KCNT1: variants seen among roughly 807,000 people sequenced by gnomAD.
KCNT1 encodes potassium channel subfamily T member 1.
In KCNT1, 78 loss-of-function variants were observed where a neutral mutation model predicts 147.8. The ratio of observed to expected loss-of-function variants is 0.53; its 90% confidence interval spans 0.44 to 0.64. KCNT1 has a LOEUF of 0.64. Among genes scored for constraint, KCNT1 ranks in the 30% least tolerant of loss-of-function variants. The pLI is 0.00. For missense variants in KCNT1, 1,419 were observed against 1,750.3 expected (o/e 0.81, Z 3.38); for synonymous variants, 867 against 748.8 (o/e 1.16, Z -2.58).
At chr9:135,777,869 C>T (rs1012736315) in intron 21 of KCNT1, among the ~76,000 whole-genome samples, 1 of 150,882 alleles carries the variant, frequency 6.6e-6, no homozygotes, top group Non-Finnish European at 1.5e-5. Flanking sequence ...AGCTCCTCCC[C>T]ACTCCCAGCT....
chr9:135,782,077 G>A (rs1228573318), intron 24 of KCNT1, among the ~76,000 whole-genome samples: 3 of 152,172 alleles, frequency 2.0e-5, no homozygotes, highest in Non-Finnish European at 2.9e-5. Context: ...CGGGCGTGGT[G>A]GCTGTAACCC....
chr9:135,718,591 G>A (rs1835808347), intron 2 of KCNT1, among the ~76,000 whole-genome samples: 1 of 152,198 alleles, frequency 6.6e-6, no homozygotes, highest in Non-Finnish European at 1.5e-5. Context: ...CTGCACCAGG[G>A]GAAGAGATTG....
At chr9:135,785,975 C>T (rs1834011915) in intron 28 of KCNT1, 7 of 572,334 alleles carry the variant, frequency 1.2e-5, no homozygotes, top group Middle Eastern at 4.6e-4. Context: ...GTGGGTGGCC[C>T]GGCGATCTGT....
chr9:135,786,178 C>A lies in KCNT1; in HGVS notation c.3178-19C>A. The A allele has an allele frequency of 1.3e-6, 2 of 1,591,450 alleles. No homozygotes were observed. The highest frequency in any genetic ancestry group is 1.1e-5 in the South Asian group (1 of 88,534). ...GCAGCCTCACCCCTCCCCGCCCTGC[C>A]CTGCCCTGCCCTGCCCAGTCCCAGA... On this transcript the variant is annotated intron_variant, in intron 28 of 30. Transcript: ENST00000371757.
At chr9:135,761,896 C>T (rs978942162) in intron 11 of KCNT1, among the ~76,000 whole-genome samples, 2 of 152,236 alleles carry the variant, frequency 1.3e-5, no homozygotes, top group African/African-American at 2.4e-5. Context: ...CCTCTCCCCA[C>T]CCCACACACC....
Position 135,791,898 on chromosome 9 carries a change from G to C in KCNT1, c.3587+17G>C. On this transcript the variant is annotated intron_variant, in intron 30 of 30. Transcript: ENST00000371757. ...TGACATTGTGTGAGTAGCACCTGTG[G>C]GCTGTGTGGAGACCCCCCCTGAGCA... The C allele has an allele frequency of 6.2e-7, 1 of 1,612,794 alleles. No individual in the cohort carries two copies. The highest frequency in any genetic ancestry group is 8.5e-7 in the Non-Finnish European group (1 of 1,179,670).
intron 9 of KCNT1, among the ~76,000 whole-genome samples, chr9:135,758,094 C>CCGTCTGCTTTCCACTGTCCTTCTA (rs1831617244): frequency 6.8e-6 from 1 of 147,022 alleles, no homozygotes; most frequent in Non-Finnish European, 1.5e-5. Context: ...TGTGGCCAGG[C>CCGTCTGCTTTCCACTGTCCTTCTA]GTGGGCTGCC....
At chr9:135,769,761 G>T (rs1253858787) in intron 15 of KCNT1, among the ~76,000 whole-genome samples, 186 bp from the exon 16 acceptor site, 1 of 152,186 alleles carries the variant, frequency 6.6e-6, no homozygotes, top group Non-Finnish European at 1.5e-5. Flanking sequence ...GTCCACCGAG[G>T]CTCAGACCAA....
intron 29 of KCNT1, among the ~76,000 whole-genome samples, chr9:135,788,769 C>G (rs1383861661): frequency 6.6e-6 from 1 of 152,208 alleles, no homozygotes; most frequent in African/African-American, 2.4e-5. Flanking sequence ...TCGGCTCGAG[C>G]AGAGCCGCTC....
chr9:135,787,329 C>T (rs1182102698), intron 29 of KCNT1, among the ~76,000 whole-genome samples: 1 of 152,216 alleles, frequency 6.6e-6, no homozygotes, highest in African/African-American at 2.4e-5. Context: ...CCCTCCCTCA[C>T]TCTAGAGATG....
At chr9:135,775,247 GC>G in intron 19 of KCNT1, 62 bp from the exon 20 acceptor site, 3 of 1,313,768 alleles carry the variant, frequency 2.3e-6, no homozygotes, top group East Asian at 2.6e-5. Flanking sequence ...CCCGAGGGGG[GC>G]CCCAGAGCAG....
At chr9:135,703,960 C>T (rs957583946) in intron 1 of KCNT1, among the ~76,000 whole-genome samples, 14 of 152,220 alleles carry the variant, frequency 9.2e-5, no homozygotes, top group South Asian at 2.1e-4. Flanking sequence ...GAGCAGCCGC[C>T]GGCAGTGGAG....
At chr9:135,716,922 T>C (rs768972779) in intron 2 of KCNT1, among the ~76,000 whole-genome samples, 17 of 152,350 alleles carry the variant, frequency 1.1e-4, no homozygotes, top group South Asian at 4.1e-4. Context: ...CCTGTGGCGC[T>C]GTCCCTCAAG....
chr9:135,722,177 G>A (rs542423923), intron 2 of KCNT1, among the ~76,000 whole-genome samples: 16 of 152,136 alleles, frequency 1.1e-4, no homozygotes, highest in African/African-American at 3.6e-4. Flanking sequence ...CAGCCTGTGC[G>A]TCTTTATGAC....
chr9:135,782,931 G>A (rs1232551170), intron 24 of KCNT1, among the ~76,000 whole-genome samples: 1 of 152,232 alleles, frequency 6.6e-6, no homozygotes. Flanking sequence ...ACCGGCCACT[G>A]ATGAGTAAGG....
Position 135,794,153 on chromosome 9 carries a change from G to A in KCNT1, c.*1992G>A, listed in dbSNP as rs1834714631. ...GGCAGGGGAAGCTGTAGCCCCTGGA[G>A]CCCCACACTGGAAGAGCTGGCCTGC... On this transcript the variant is annotated 3_prime_UTR_variant, in exon 31 of 31. Coordinates refer to ENST00000371757, the MANE Select transcript of KCNT1 (RefSeq NM_020822.3). 1 of 152,348 alleles carries A rather than the reference G, an allele frequency of 6.6e-6. No individual in the cohort carries two copies. Among genetic ancestry groups the A allele is most frequent in the African/African-American group, 2.4e-5 (1 of 41,484 alleles). 9.4% of individuals were successfully genotyped at this position (152,348 alleles called of 1,614,324 possible). A position where few individuals can be genotyped will look rare whatever the true frequency, so the allele number is the denominator to read the frequency against.
At chr9:135,729,157 A>C (rs1052532948) in intron 2 of KCNT1, among the ~76,000 whole-genome samples, 1 of 152,218 alleles carries the variant, frequency 6.6e-6, no homozygotes, top group Non-Finnish European at 1.5e-5. Flanking sequence ...AATTTGAATT[A>C]ATCAAAGGGC....
chr9:135,772,619 G>T, intron 18 of KCNT1, 96 bp from the exon 19 acceptor site: 1 of 865,958 alleles, frequency 1.2e-6, no homozygotes, highest in Non-Finnish European at 1.6e-6. Context: ...CCATGACAGG[G>T]TCTCCAGAGC....
rs1448611001 is a variant in KCNT1, at chr9:135,752,713, G to T, written c.435-1224G>T. On this transcript the variant is annotated intron_variant, in intron 4 of 30. Coordinates refer to ENST00000371757, the MANE Select transcript of KCNT1 (RefSeq NM_020822.3). This position sits in a 1 kb window ranked among gnomAD's most constrained non-coding sequence, Gnocchi z 5.1. ...ATGGGTGGATAATGGATGGATAGGT[G>T]GATGCATGGTGGGTAGATGGATGGA... 6.6e-6 allele frequency among the ~76,000 whole-genome samples: 1 copy of T among 151,142 alleles called. No homozygotes were observed. Among genetic ancestry groups the T allele is most frequent in the African/African-American group, 2.4e-5 (1 of 41,094 alleles).
Sources: allele counts gnomAD v4.1 joint callset (sites outside exome capture counted in the v4.1 genomes callset), GRCh38; gene constraint gnomAD v4.1.1; non-coding constraint Gnocchi (gnomAD v3.1); transcripts MANE v1.5; gene names NCBI Gene and HGNC (gene_info 2026-07-23, HGNC 2026-07-21).